The following KIAA1217 variants were observed in gnomAD, a reference collection of about 807,000 sequenced individuals.
KIAA1217 encodes KIAA1217, also known as sickle tail protein homolog.
In KIAA1217, 88 loss-of-function variants were observed where a neutral mutation model predicts 163.9. The ratio of observed to expected loss-of-function variants is 0.54; its 90% confidence interval spans 0.45 to 0.64. The LOEUF (loss-of-function observed/expected upper bound fraction) is 0.64, where lower values mean the gene tolerates loss of function less well. KIAA1217 is among the 30% of genes least tolerant of loss of function. KIAA1217 has a pLI of 0.00. For missense variants in KIAA1217, 2,372 were observed against 2,475.0 expected (o/e 0.96, Z 0.88); for synonymous variants, 903 against 923.1 (o/e 0.98, Z 0.39).
intron 1 of KIAA1217, among the ~76,000 whole-genome samples, chr10:23,850,892 C>T (rs1329832959): frequency 1.3e-5 from 2 of 151,998 alleles, no homozygotes; most frequent in Non-Finnish European, 2.9e-5. Flanking sequence ...ATGTGCTACA[C>T]AATTTTAAAC....
rs1192435387 is a variant in KIAA1217 at position 24,473,666 on chromosome 10, A to G, written c.1285A>G (p.Ile429Val). The G allele has an allele frequency of 2.5e-6, 4 of 1,613,980 alleles. No homozygotes were observed. Among genetic ancestry groups the G allele is most frequent in the Non-Finnish European group, 3.4e-6 (4 of 1,180,026 alleles). ...CATCATTGCATATCACCGCACCGCC[A>G]TCCGGTCAGCGAGTGCTTATTGTAA... ...DHIIAYHRTA[I>V]RSASAYCNPS... Residue 429 changes from isoleucine to valine, a missense_variant, in exon 6 of 21, where the codon ATC (isoleucine) becomes GTC (valine). Ile to Val is a conservative substitution (Grantham distance 29, BLOSUM62 3). Coordinates refer to ENST00000376454, the MANE Select transcript of KIAA1217 (RefSeq NM_019590.5).
In KIAA1217 at chr10:23,851,108, G is replaced by A. The variant is rs142461846; in HGVS notation, c.-321+155874G>A. Among the ~76,000 whole-genome samples, 736 of 151,906 alleles carry A rather than the reference G, an allele frequency of 4.8e-3. 10 individuals are homozygous for A. Among genetic ancestry groups the A allele is most frequent in the African/African-American group, 0.016 (660 of 41,438 alleles). On this transcript the variant is annotated intron_variant, in intron 1 of 18. Transcript: ENST00000376462. ...TACATGTGCCATGCTGGTGTGCTGC[G>A]ACCATTGACTCGTCATTTAGCATTA... is the stretch of plus-strand genomic sequence containing the variant.
At chr10:23,790,631 A>G (rs907351337) in intron 1 of KIAA1217, among the ~76,000 whole-genome samples, 2 of 137,794 alleles carry the variant, frequency 1.5e-5, no homozygotes, top group Non-Finnish European at 3.0e-5. Flanking sequence ...ATACATATAT[A>G]TGTACATGTA....
chr10:24,229,187 G>T (rs1452983566), intron 2 of KIAA1217, among the ~76,000 whole-genome samples: 1 of 152,206 alleles, frequency 6.6e-6, no homozygotes, highest in Non-Finnish European at 1.5e-5. Flanking sequence ...TGAAAAGTAA[G>T]GCTAATTGAA....
At chr10:23,879,765 A>T (rs1360523263) in intron 1 of KIAA1217, among the ~76,000 whole-genome samples, 1 of 151,900 alleles carries the variant, frequency 6.6e-6, no homozygotes, top group East Asian at 1.9e-4. Context: ...TTTTTTTAAG[A>T]TGGTAAAAAG....
At chr10:24,237,861 C>T (rs779372525) in intron 2 of KIAA1217, among the ~76,000 whole-genome samples, 2 of 152,178 alleles carry the variant, frequency 1.3e-5, no homozygotes, top group Admixed American at 1.3e-4. Context: ...CAAGGTAGTT[C>T]TTGGTTGCCT....
intron 2 of KIAA1217, among the ~76,000 whole-genome samples, chr10:24,050,280 C>G (rs1002001114): frequency 3.4e-4 from 52 of 152,078 alleles, no homozygotes; most frequent in Non-Finnish European, 5.9e-4. Flanking sequence ...ATGATAGTTT[C>G]TTTTGCTGTG....
intron 1 of KIAA1217, among the ~76,000 whole-genome samples, chr10:23,800,479 G>C (rs948057716): frequency 1.3e-5 from 2 of 152,080 alleles, no homozygotes; most frequent in African/African-American, 4.8e-5. Context: ...CCAAATGCCT[G>C]GGTTCTGTAA....
intron 2 of KIAA1217, among the ~76,000 whole-genome samples, chr10:24,257,981 C>T (rs1033135741): frequency 6.6e-6 from 1 of 151,944 alleles, no homozygotes; most frequent in African/African-American, 2.4e-5. Context: ...AGAGGGGTTC[C>T]TCCCAGGTAC....
chr10:23,760,528 G>A (rs555347119), intron 1 of KIAA1217, among the ~76,000 whole-genome samples: 1 of 152,346 alleles, frequency 6.6e-6, no homozygotes, highest in East Asian at 1.9e-4. Context: ...AGCAGTCGCA[G>A]TAGCACATCT....
chr10:23,936,503 T>C (rs1307972794), intron 1 of KIAA1217, among the ~76,000 whole-genome samples: 2 of 152,114 alleles, frequency 1.3e-5, no homozygotes, highest in Admixed American at 1.3e-4. Context: ...CAATCACTGG[T>C]GTCTTTATAA....
intron 2 of KIAA1217, among the ~76,000 whole-genome samples, chr10:24,354,735 C>T (rs534716692): frequency 1.4e-4 from 22 of 152,192 alleles, no homozygotes; most frequent in Admixed American, 1.1e-3. Context: ...CTTCTCTTCT[C>T]TCCTCTGCTC....
chr10:23,940,872 A>T (rs1252306858), intron 1 of KIAA1217, among the ~76,000 whole-genome samples: 1 of 152,234 alleles, frequency 6.6e-6, no homozygotes, highest in Non-Finnish European at 1.5e-5. Context: ...CAGTGTGTAA[A>T]TATCTATTTT....
At chr10:23,733,513 T>C (rs1838600704) in intron 1 of KIAA1217, among the ~76,000 whole-genome samples, 1 of 152,226 alleles carries the variant, frequency 6.6e-6, no homozygotes, top group South Asian at 2.1e-4. Context: ...TCCTCCTGTT[T>C]ATTTTAAATC....
intron 2 of KIAA1217, among the ~76,000 whole-genome samples, chr10:24,166,843 T>C (rs538940839): frequency 2.5e-4 from 38 of 152,234 alleles, no homozygotes; most frequent in African/African-American, 9.1e-4. Context: ...TTTGATTATA[T>C]GGATGTATCA....
intron 2 of KIAA1217, among the ~76,000 whole-genome samples, chr10:24,344,373 T>C (rs963826074): frequency 1.3e-5 from 2 of 152,220 alleles, no homozygotes; most frequent in African/African-American, 4.8e-5. Context: ...ATGTGGCACA[T>C]CGAATAGAGT....
At chr10:24,347,265 G>A (rs1304093799) in intron 2 of KIAA1217, among the ~76,000 whole-genome samples, 5 of 152,162 alleles carry the variant, frequency 3.3e-5, no homozygotes, top group Admixed American at 6.5e-5. Flanking sequence ...CTCTAAGCTT[G>A]AGGTGTGGGT....
rs779257144 is a variant in KIAA1217 at position 23,718,421 on chromosome 10, T to C, written c.-321+23187T>C. The stretch of plus-strand genomic sequence containing the variant: ...CAAATTTTGTGTCAGAGGGAAATAT[T>C]GTATAATGAAAGATGTGTCCCAAGT... On this transcript the variant is annotated intron_variant, in intron 1 of 18. Coordinates refer to the KIAA1217 transcript ENST00000376462. Among the ~76,000 whole-genome samples, 99 of 152,212 alleles carry C rather than the reference T, an allele frequency of 6.5e-4. 2 individuals carry two copies. Among genetic ancestry groups the C allele is most frequent in the Non-Finnish European group, 4.4e-5 (3 of 68,032 alleles).
rs147546654 is a variant in KIAA1217, at chr10:24,540,537, C to T, written c.3535-2156C>T. Reference sequence around the variant, plus strand: ...GTGAGCCACCATGCCTGGCCTGAAACGTTTAATGATGGGAATGGCACAGGC... The same window carrying T: ...GTGAGCCACCATGCCTGGCCTGAAATGTTTAATGATGGGAATGGCACAGGC... On this transcript the variant is annotated intron_variant, in intron 17 of 20. Transcript: ENST00000376454. Among the ~76,000 whole-genome samples the T allele has an allele frequency of 1.7e-4, 26 of 152,070 alleles. No individual in the cohort carries two copies. In the East Asian group the frequency reaches 2.0e-3, roughly 11 times the overall value.
Sources: gnomAD v4.1 joint callset for allele counts (sites outside exome capture counted in the v4.1 genomes callset) on GRCh38, gnomAD v4.1.1 for gene constraint, MANE v1.5 for transcripts, NCBI Gene and HGNC (gene_info 2026-07-23, HGNC 2026-07-21) for gene names.